Variants in GRIA4 observed in about 807,000 individuals in gnomAD.
GRIA4 encodes the protein glutamate ionotropic receptor AMPA type subunit 4, also known as glutamate receptor 4.
GRIA4 carries 34 observed loss-of-function variants against 104.0 expected under a neutral mutation model. That is an observed-to-expected ratio of 0.33 (90% CI 0.25 to 0.44). The LOEUF (loss-of-function observed/expected upper bound fraction) is 0.44. Ranked by LOEUF, GRIA4 falls within the 20% of genes least tolerant of loss-of-function variation. The probability of loss-of-function intolerance (pLI) is 1.00; values close to 1 mark genes in which losing one functional copy is unlikely to be tolerated. For missense variants in GRIA4, 750 were observed against 1,096.5 expected (o/e 0.68, Z 4.46); for synonymous variants, 386 against 381.9 (o/e 1.01, Z -0.13).
intron 3 of GRIA4, among the ~76,000 whole-genome samples, chr11:105,722,607 A>T (rs1937900276): frequency 6.6e-6 from 1 of 152,176 alleles, no homozygotes; most frequent in South Asian, 2.1e-4. Context: ...AAAAGTTCCC[A>T]TCTCATCATA....
chr11:105,920,550 C>A (rs372584540), intron 11 of GRIA4, among the ~76,000 whole-genome samples: 2 of 152,120 alleles, frequency 1.3e-5, no homozygotes, highest in East Asian at 3.9e-4. Context: ...ACCCACTGGG[C>A]AGCCCAGACT....
chr11:105,829,889 G>T (rs1943911089), intron 4 of GRIA4, among the ~76,000 whole-genome samples: 1 of 151,874 alleles, frequency 6.6e-6, no homozygotes, highest in Non-Finnish European at 1.5e-5. Flanking sequence ...ATTGGAGAAA[G>T]AGAAAATGTG....
rs768958233 is a variant in GRIA4 at position 105,862,254 on chromosome 11, A to C, written c.672+46A>C. 6.3e-5 allele frequency: 70 copies of C among 1,106,710 alleles called. 1 individual carries two copies. The highest frequency in any genetic ancestry group is 9.2e-5 in the Non-Finnish European group (68 of 742,620). The allele number at this position is 1,106,710 out of a possible 1,614,324, so 68.6% of individuals were successfully genotyped here. On this transcript the variant is annotated intron_variant, in intron 5 of 16. Coordinates refer to ENST00000282499, the MANE Select transcript of GRIA4 (RefSeq NM_000829.4). ...TTTTAACCTAGACCCTATACAGAAA[A>C]ATTTAACCTTTGATTGACTTGTCCC...
chr11:105,867,528 A>C (rs1375234328), intron 5 of GRIA4, among the ~76,000 whole-genome samples: 2 of 152,170 alleles, frequency 1.3e-5, no homozygotes, highest in Non-Finnish European at 2.9e-5. Context: ...CCGGACTCCC[A>C]AAAAGTCTCT....
intron 3 of GRIA4, among the ~76,000 whole-genome samples, chr11:105,644,256 G>A (rs1437763942): frequency 6.6e-6 from 1 of 152,086 alleles, no homozygotes; most frequent in African/African-American, 2.4e-5. Context: ...CTGTCCCAAA[G>A]CCACATCAAG....
intron 4 of GRIA4, among the ~76,000 whole-genome samples, chr11:105,830,968 A>G (rs1943952087): frequency 6.6e-6 from 1 of 151,364 alleles, no homozygotes; most frequent in African/African-American, 2.5e-5. Flanking sequence ...TTATACACAC[A>G]CGCACACACA....
chr11:105,625,601 A>T (rs529376092), intron 3 of GRIA4, among the ~76,000 whole-genome samples: 48 of 152,058 alleles, frequency 3.2e-4, no homozygotes, highest in African/African-American at 1.2e-3. Flanking sequence ...CACACAATAC[A>T]CCCCTGTTAC....
At chr11:105,861,989 A>G (rs759984622) in intron 4 of GRIA4, 35 bp from the exon 5 acceptor site, 1 of 1,378,100 alleles carries the variant, frequency 7.3e-7, no homozygotes, top group East Asian at 2.3e-5. Context: ...GGGGAGTAAA[A>G]GCATGTTTTT....
At chr11:105,702,078 G>A (rs1271875173) in intron 3 of GRIA4, among the ~76,000 whole-genome samples, 3 of 152,042 alleles carry the variant, frequency 2.0e-5, no homozygotes, top group Non-Finnish European at 4.4e-5. Flanking sequence ...GTGAATACAG[G>A]TGCTGCAACT....
chr11:105,753,155 C>T lies in GRIA4; in HGVS notation c.422C>T (p.Ala141Val). The T allele has an allele frequency of 6.2e-7, 1 of 1,613,440 alleles. No individual in the cohort carries two copies. The highest frequency in any genetic ancestry group is 1.1e-5 in the South Asian group (1 of 91,078). Residue 141 changes from alanine (A) to valine (V), a missense_variant, in exon 4 of 17, where the codon GCA becomes GTA. Physicochemically the swap from Ala to Val is moderately conservative, Grantham distance 64. This residue lies in a region of GRIA4 where 410 missense variants were observed against 502.7 expected (regional missense o/e 0.82). Coordinates refer to ENST00000282499, the MANE Select transcript of GRIA4 (RefSeq NM_000829.4). ...CAACTAAGACCTTCGTTACGAGGAG[C>T]ACTCTTGAGTTTGCTGGATCACTAC... ...VLQLRPSLRGALLSLLDHYEW... is the reference protein window; with the variant it reads ...VLQLRPSLRGVLLSLLDHYEW...
At chr11:105,759,700 T>A (rs1057022051) in intron 4 of GRIA4, among the ~76,000 whole-genome samples, 1 of 152,156 alleles carries the variant, frequency 6.6e-6, no homozygotes, top group African/African-American at 2.4e-5. Flanking sequence ...TTTGCAAATG[T>A]CATTCCTTCA....
chr11:105,937,625 C>T (rs967556563), intron 14 of GRIA4, among the ~76,000 whole-genome samples: 1 of 151,840 alleles, frequency 6.6e-6, no homozygotes, highest in African/African-American at 2.4e-5. Context: ...TATACTTGAC[C>T]CTAATGTTTG....
At position 105,866,553 on chromosome 11, in the gene GRIA4, A is replaced by G. The variant is rs1049954400; in HGVS notation, c.672+4345A>G. 9.6e-4 allele frequency among the ~76,000 whole-genome samples: 66 copies of G among 68,802 alleles called. 2 individuals carry two copies. The highest frequency in any genetic ancestry group is 6.2e-3 in the Middle Eastern group (1 of 162). The allele number at this position is 68,802 out of a possible 152,430, so 45.1% of individuals were successfully genotyped here. A position where few individuals can be genotyped will look rare whatever the true frequency, so the allele number is the denominator to read the frequency against. On this transcript the variant is annotated intron_variant, in intron 5 of 16. Coordinates refer to ENST00000282499, the MANE Select transcript of GRIA4 (RefSeq NM_000829.4). ...TACGCATATGTGTGTGTGTGTGTGT[A>G]TATATATATATATATATATATATAT...
chr11:105,878,183 T>C (rs1304811196), intron 5 of GRIA4, among the ~76,000 whole-genome samples: 1 of 152,220 alleles, frequency 6.6e-6, no homozygotes, highest in African/African-American at 2.4e-5. Context: ...TTTCTGCAGG[T>C]CTGCTGCAGT....
chr11:105,885,987 A>G (rs1033532728), intron 5 of GRIA4, among the ~76,000 whole-genome samples: 14 of 152,254 alleles, frequency 9.2e-5, no homozygotes, highest in African/African-American at 3.1e-4. Flanking sequence ...AGGAAGTACA[A>G]CAAATCCTAA....
At chr11:105,693,077 G>A (rs1182152884) in intron 3 of GRIA4, among the ~76,000 whole-genome samples, 3 of 152,086 alleles carry the variant, frequency 2.0e-5, no homozygotes, top group Admixed American at 2.0e-4. Context: ...GTTATTAATA[G>A]GTTGTTATTC....
At chr11:105,818,622 T>G (rs565721585) in intron 4 of GRIA4, among the ~76,000 whole-genome samples, 1 of 152,290 alleles carries the variant, frequency 6.6e-6, no homozygotes, top group East Asian at 1.9e-4. Context: ...CCTTAGAGCA[T>G]AAAATGCCTG....
chr11:105,870,054 T>C (rs188002336), intron 5 of GRIA4, among the ~76,000 whole-genome samples: 8 of 152,094 alleles, frequency 5.3e-5, no homozygotes, highest in African/African-American at 1.9e-4. Flanking sequence ...GGGCCATATA[T>C]ACCAAAGAGT....
At chr11:105,787,385 G>C (rs1324718593) in intron 4 of GRIA4, among the ~76,000 whole-genome samples, 1 of 150,672 alleles carries the variant, frequency 6.6e-6, no homozygotes, top group Non-Finnish European at 1.5e-5. Context: ...TTATAAGTCA[G>C]AGAATTTAAA....
Sources: allele counts gnomAD v4.1 joint callset (sites outside exome capture counted in the v4.1 genomes callset), GRCh38; gene constraint gnomAD v4.1.1; regional missense constraint gnomAD v4.1.1; transcripts MANE v1.5; gene names NCBI Gene and HGNC (gene_info 2026-07-23, HGNC 2026-07-21).